The following ACTR3C variants were observed in gnomAD, a reference collection of about 807,000 sequenced individuals.
ACTR3C encodes actin related protein 3C.
In ACTR3C, 18 loss-of-function variants were observed where a neutral mutation model predicts 26.3. The observed-to-expected ratio is 0.68, with a 90% CI of 0.47 to 1.01. The LOEUF (loss-of-function observed/expected upper bound fraction) is 1.01, where lower values mean the gene tolerates loss of function less well. Ranked by LOEUF, ACTR3C falls within the 50% of genes least tolerant of loss-of-function variation. The pLI is 0.00. For synonymous variants in ACTR3C, 55 were observed against 94.5 expected (o/e 0.58, Z 2.42); for missense variants, 184 against 250.7 (o/e 0.73, Z 1.80).
the ACTR3C span, among the ~76,000 whole-genome samples, chr7:150,180,712 G>A: frequency 6.7e-6 from 1 of 149,022 alleles, no homozygotes; most frequent in Non-Finnish European, 1.5e-5. Flanking sequence ...GGGGTTTCAC[G>A]TGTTAGCCAG....
rs189248078 is a variant in ACTR3C, at chr7:150,277,748, G to A, written c.564+7005C>T. The stretch of plus-strand genomic sequence containing the variant: ...TGCTCTGGAGCCTCTCTCCTCTCCC[G>A]GCTTCCTCCATGAGCCACCTACAGC... On this transcript the variant is annotated intron_variant, in intron 6 of 7. Coordinates refer to ENST00000683684, the MANE Select transcript of ACTR3C (RefSeq NM_001164458.2). Among the ~76,000 whole-genome samples the A allele has an allele frequency of 8.8e-3, 1,338 of 151,864 alleles. 20 individuals carry two copies. Among genetic ancestry groups the A allele is most frequent in the African/African-American group, 0.031 (1,269 of 41,360 alleles).
intron 1 of ACTR3C, among the ~76,000 whole-genome samples, chr7:150,315,525 T>C (rs1489419582): frequency 6.6e-6 from 1 of 152,202 alleles, no homozygotes; most frequent in Non-Finnish European, 1.5e-5. Flanking sequence ...GGAAAATACA[T>C]TGTACGTTTT....
the ACTR3C span, among the ~76,000 whole-genome samples, chr7:150,042,396 G>T: frequency 6.3e-4 from 91 of 144,946 alleles, no homozygotes; most frequent in Admixed American, 1.6e-3. Flanking sequence ...GGGAAGAGGG[G>T]CTCGCTCTCA....
chr7:150,116,571 T>C, the ACTR3C span, among the ~76,000 whole-genome samples: 2 of 152,196 alleles, frequency 1.3e-5, no homozygotes, highest in African/African-American at 4.8e-5. Flanking sequence ...AATATACACA[T>C]TAGATAGAAA....
At chr7:150,191,371 T>C in the ACTR3C span, among the ~76,000 whole-genome samples, 8 of 152,236 alleles carry the variant, frequency 5.3e-5, no homozygotes, top group Non-Finnish European at 1.2e-4. Context: ...CCCAATGATT[T>C]AGCTTTTTGT....
chr7:150,033,183 T>C, the ACTR3C span, among the ~76,000 whole-genome samples: 2 of 152,118 alleles, frequency 1.3e-5, no homozygotes, highest in African/African-American at 2.4e-5. Flanking sequence ...GCTCTGTTTG[T>C]CCTACCATTG....
the ACTR3C span, among the ~76,000 whole-genome samples, chr7:150,088,970 A>G: frequency 2.0e-5 from 3 of 152,240 alleles, no homozygotes; most frequent in African/African-American, 7.2e-5. Flanking sequence ...TTTGTTGGAC[A>G]GCCTTGGCTA....
the ACTR3C span, among the ~76,000 whole-genome samples, chr7:150,176,271 G>A: frequency 6.6e-6 from 1 of 150,634 alleles, no homozygotes; most frequent in Non-Finnish European, 1.5e-5. Context: ...AATTTCTTGA[G>A]GCCTTTTTTT....
chr7:150,200,968 C>T, the ACTR3C span, among the ~76,000 whole-genome samples: 4 of 152,126 alleles, frequency 2.6e-5, no homozygotes, highest in South Asian at 2.1e-4. Context: ...TCCCTTTCCA[C>T]AGTAAATGTA....
chr7:149,924,872 C>T, the ACTR3C span, among the ~76,000 whole-genome samples: 37 of 152,156 alleles, frequency 2.4e-4, no homozygotes, highest in Non-Finnish European at 3.8e-4. Flanking sequence ...AAGTGATCTG[C>T]CTGCTTCGGC....
chr7:149,952,621 G>A, the ACTR3C span, among the ~76,000 whole-genome samples: 1 of 148,304 alleles, frequency 6.7e-6, no homozygotes, highest in Non-Finnish European at 1.5e-5. Flanking sequence ...GTGAATTAAT[G>A]AATAAGTTAT....
the ACTR3C span, among the ~76,000 whole-genome samples, chr7:149,993,443 A>G: frequency 6.6e-6 from 1 of 152,178 alleles, no homozygotes; most frequent in Non-Finnish European, 1.5e-5. Flanking sequence ...GACCACCAAC[A>G]TCTAAATTCA....
the ACTR3C span, among the ~76,000 whole-genome samples, chr7:149,928,385 T>C: frequency 6.3e-5 from 9 of 142,768 alleles, no homozygotes; most frequent in African/African-American, 1.9e-4. Context: ...GTATTTCTTT[T>C]TTTTTTTTTT....
the ACTR3C span, among the ~76,000 whole-genome samples, chr7:149,966,392 A>T: frequency 6.6e-6 from 1 of 152,296 alleles, no homozygotes; most frequent in South Asian, 2.1e-4. Context: ...GAGAAACATG[A>T]GTGTTTCGGA....
the ACTR3C span, among the ~76,000 whole-genome samples, chr7:150,017,393 A>G: frequency 1.3e-5 from 2 of 150,970 alleles, no homozygotes; most frequent in Admixed American, 6.6e-5. Flanking sequence ...CTGACACACT[A>G]TATCACAGAC....
At chr7:149,950,324 G>A in the ACTR3C span, among the ~76,000 whole-genome samples, 3 of 145,364 alleles carry the variant, frequency 2.1e-5, no homozygotes, top group Non-Finnish European at 4.4e-5. Flanking sequence ...GCTGGAGAAG[G>A]GGCAGTTGGC....
At chr7:150,179,601 T>C in the ACTR3C span, among the ~76,000 whole-genome samples, 28 of 149,620 alleles carry the variant, frequency 1.9e-4, 1 homozygote, top group South Asian at 4.2e-4. Context: ...TTCTCCCACC[T>C]TAGCCTCCCA....
chr7:150,271,405 A>C (rs1345619990), intron 6 of ACTR3C, among the ~76,000 whole-genome samples: 6 of 150,996 alleles, frequency 4.0e-5, no homozygotes, highest in African/African-American at 1.2e-4. Context: ...CTCATTGTTC[A>C]ACTCCCACTT....
chr7:149,923,835 TA>T, the ACTR3C span, among the ~76,000 whole-genome samples: 1 of 151,380 alleles, frequency 6.6e-6, no homozygotes, highest in Non-Finnish European at 1.5e-5. Context: ...CCGTCTCTAC[TA>T]AAAACACAAA....
Sources: gnomAD v4.1 joint callset for allele counts (sites outside exome capture counted in the v4.1 genomes callset) on GRCh38, gnomAD v4.1.1 for gene constraint, MANE v1.5 for transcripts, NCBI Gene and HGNC (gene_info 2026-07-23, HGNC 2026-07-21) for gene names.